ANO3: variants seen among roughly 807,000 people sequenced by gnomAD.
The protein encoded by ANO3 is anoctamin-3.
A neutral mutation model predicts 144.8 loss-of-function variants in ANO3; 99 were observed. The observed-to-expected ratio is 0.68, with a 90% CI of 0.58 to 0.81. The LOEUF is 0.81. Among genes scored for constraint, ANO3 ranks in the 30% least tolerant of loss-of-function variants. The pLI is 0.00. For synonymous variants in ANO3, 414 were observed against 392.6 expected (o/e 1.05, Z -0.64); for missense variants, 905 against 1,202.2 (o/e 0.75, Z 3.66).
intron 12 of ANO3, 93 bp downstream of exon 12, chr11:26,547,643 T>C (rs1590504171): frequency 8.5e-7 from 1 of 1,175,538 alleles, no homozygotes; most frequent in Non-Finnish European, 1.2e-6. Flanking sequence ...AATCAAATGG[T>C]TGATGATACT....
intron 14 of ANO3, among the ~76,000 whole-genome samples, chr11:26,579,369 G>A (rs1851072019): frequency 6.6e-6 from 1 of 152,218 alleles, no homozygotes; most frequent in Non-Finnish European, 1.5e-5. Flanking sequence ...TGTACACTCT[G>A]AGGAAGAATC....
chr11:26,301,562 T>A (rs190068260), intron 1 of ANO3, among the ~76,000 whole-genome samples: 1 of 152,304 alleles, frequency 6.6e-6, no homozygotes, highest in East Asian at 1.9e-4. Flanking sequence ...AAAAGTAGAA[T>A]GGAAGATCTA....
chr11:26,199,267 T>C (rs994211815), intron 1 of ANO3, among the ~76,000 whole-genome samples: 8 of 152,166 alleles, frequency 5.3e-5, no homozygotes, highest in Non-Finnish European at 1.0e-4. Flanking sequence ...AGATGGAAAC[T>C]GAGCCTCATA....
At chr11:26,567,126 G>T in intron 14 of ANO3, 10 of 1,435,134 alleles carry the variant, frequency 7.0e-6, no homozygotes, top group Non-Finnish European at 9.2e-6. Flanking sequence ...GCTCACAATG[G>T]CTAGTAACAG....
chr11:26,407,755 A>G (rs1023254705), intron 1 of ANO3, among the ~76,000 whole-genome samples: 3 of 151,784 alleles, frequency 2.0e-5, no homozygotes, highest in Non-Finnish European at 2.9e-5. Flanking sequence ...AAATTCCTCA[A>G]TATACCATAC....
intron 1 of ANO3, among the ~76,000 whole-genome samples, chr11:26,270,058 C>T (rs1183135849): frequency 1.3e-5 from 2 of 152,274 alleles, no homozygotes; most frequent in East Asian, 3.9e-4. Context: ...CCCAAATTAT[C>T]AGCATGCTGA....
chr11:26,402,551 G>A (rs982741164), intron 1 of ANO3, among the ~76,000 whole-genome samples: 1 of 151,784 alleles, frequency 6.6e-6, no homozygotes, highest in Non-Finnish European at 1.5e-5. Context: ...AGCATAGATT[G>A]CAAAAATTTT....
At chr11:26,252,422 G>C (rs563896510) in intron 1 of ANO3, among the ~76,000 whole-genome samples, 2 of 152,244 alleles carry the variant, frequency 1.3e-5, no homozygotes, top group South Asian at 4.1e-4. Flanking sequence ...AGGCCAGTAA[G>C]AACTCTGAGA....
chr11:26,509,736 C>G (rs1158843001), intron 5 of ANO3, among the ~76,000 whole-genome samples: 4 of 152,124 alleles, frequency 2.6e-5, no homozygotes, highest in Non-Finnish European at 5.9e-5. Context: ...TTAATAGGCA[C>G]TTAGATATAA....
upstream of ANO3, among the ~76,000 whole-genome samples, chr11:26,329,534 A>C (rs892786046): frequency 3.3e-5 from 5 of 152,192 alleles, no homozygotes; most frequent in African/African-American, 1.2e-4. Flanking sequence ...AATTTTAAGA[A>C]AAGTAATTAA....
At chr11:26,653,567 T>C (rs1462942270) in intron 24 of ANO3, among the ~76,000 whole-genome samples, 1 of 151,966 alleles carries the variant, frequency 6.6e-6, no homozygotes, top group African/African-American at 2.4e-5. Context: ...AGAGCCAAAA[T>C]CCTCCTTAAA....
At chr11:26,269,076 T>C (rs952992171) in intron 1 of ANO3, among the ~76,000 whole-genome samples, 5 of 152,252 alleles carry the variant, frequency 3.3e-5, no homozygotes, top group African/African-American at 4.8e-5. Flanking sequence ...CCAGAGGCAA[T>C]TGCAGGAGGC....
chr11:26,559,205 A>G (rs985338547), intron 13 of ANO3: 2 of 152,380 alleles, frequency 1.3e-5, no homozygotes, highest in African/African-American at 4.8e-5. Context: ...TTAAGATGGG[A>G]TTTATTACAT....
chr11:26,656,593 G>GTATTTA, intron 26 of ANO3, 112 bp downstream of exon 26: 1 of 712,850 alleles, frequency 1.4e-6, no homozygotes, highest in South Asian at 1.7e-5. Context: ...ACTTAAGTAG[G>GTATTTA]TCCCGTAAAA....
chr11:26,463,212 T>G (rs1859482917), intron 4 of ANO3, 64 bp downstream of exon 4: 1 of 812,482 alleles, frequency 1.2e-6, no homozygotes, highest in Non-Finnish European at 2.0e-6. Context: ...CTTACAATAT[T>G]CATCTACATA....
intron 1 of ANO3, among the ~76,000 whole-genome samples, chr11:26,396,651 A>G (rs1417303691): frequency 6.6e-6 from 1 of 152,154 alleles, no homozygotes; most frequent in South Asian, 2.1e-4. Context: ...AGGTACATGA[A>G]TGAAGCTGGA....
chr11:26,264,406 C>G (rs781583140), intron 1 of ANO3, among the ~76,000 whole-genome samples: 3 of 152,176 alleles, frequency 2.0e-5, no homozygotes, highest in Non-Finnish European at 4.4e-5. Flanking sequence ...ACAAGTAATA[C>G]AGCAAAGGGA....
chr11:26,452,705 A>G (rs553938056), intron 3 of ANO3, among the ~76,000 whole-genome samples: 117 of 152,264 alleles, frequency 7.7e-4, no homozygotes, highest in African/African-American at 2.3e-3. Context: ...GCAGGCCAAA[A>G]TTCAGATTCA....
chr11:26,471,605 A>T (rs1240682661), intron 4 of ANO3, among the ~76,000 whole-genome samples: 1 of 151,750 alleles, frequency 6.6e-6, no homozygotes, highest in Non-Finnish European at 1.5e-5. Context: ...ATAAAACTGC[A>T]CAAAAGCTCC....
Sources: allele counts gnomAD v4.1 joint callset (sites outside exome capture counted in the v4.1 genomes callset), GRCh38; gene constraint gnomAD v4.1.1; transcripts MANE v1.5; gene names NCBI Gene and HGNC (gene_info 2026-07-23, HGNC 2026-07-21).